LDLRAD4: variants seen among roughly 807,000 people sequenced by gnomAD.
The protein encoded by LDLRAD4 is low density lipoprotein receptor class A domain containing 4.
In LDLRAD4, 5 loss-of-function variants were observed where a neutral mutation model predicts 17.0. The observed-to-expected ratio is 0.29, with a 90% CI of 0.15 to 0.62. The LOEUF is 0.62. Ranked by LOEUF, LDLRAD4 falls within the 20% of genes least tolerant of loss-of-function variation. The pLI, the probability that LDLRAD4 is intolerant of heterozygous loss-of-function variation, is 0.84. For missense variants in LDLRAD4, 340 were observed against 424.7 expected (o/e 0.80, Z 1.75); for synonymous variants, 168 against 171.8 (o/e 0.98, Z 0.17).
At position 13,233,770 on chromosome 18, in the gene LDLRAD4, C is replaced by T. The variant is rs8092714; in HGVS notation, c.-467+14782C>T. Among the ~76,000 whole-genome samples the T allele has an allele frequency of 3.2e-3, 492 of 152,136 alleles. 6 individuals are homozygous for T. Among genetic ancestry groups the T allele is most frequent in the African/African-American group, 1.0e-2 (413 of 41,472 alleles). ...GATTATGTATTTCCATAGAGGACCT[C>T]GGCCCAGAACTCCAAACCCTAGGCT... is the stretch of plus-strand genomic sequence containing the variant. On this transcript the variant is annotated intron_variant, in intron 1 of 5. Coordinates refer to the LDLRAD4 transcript ENST00000399848.
intron 1 of LDLRAD4, among the ~76,000 whole-genome samples, chr18:13,357,233 T>G (rs990959669): frequency 6.6e-6 from 1 of 152,152 alleles, no homozygotes; most frequent in African/African-American, 2.4e-5. Flanking sequence ...CTTCCTTATT[T>G]TCCTTGAAGT....
Position 13,621,230 on chromosome 18 carries a change from C to T in LDLRAD4, c.295C>T (p.Arg99Cys), listed in dbSNP as rs375984547. Residue 99 changes from arginine to cysteine, a missense_variant, in exon 4 of 6, where the codon CGC (arginine) becomes TGC (cysteine). Physicochemically the swap from Arg to Cys is radical, Grantham distance 180 (BLOSUM62 -3). Transcript: ENST00000359446. The surrounding 1 kb of genome is among the most constrained non-coding windows in gnomAD (Gnocchi z 5.5). ...AGTCTCCACGCGGTCCTTCATCAACCGCCCGAACCAGAGCCGGAGGCGGGA... is the reference window on the plus strand; with the variant it reads ...AGTCTCCACGCGGTCCTTCATCAACTGCCCGAACCAGAGCCGGAGGCGGGA... 1.7e-5 allele frequency: 27 copies of T among 1,613,774 alleles called. No homozygotes were observed. Among genetic ancestry groups the T allele is most frequent in the South Asian group, 4.4e-5 (4 of 91,092 alleles).
At chr18:13,472,267 G>GTCGAGCTC (rs1480462548) in intron 3 of LDLRAD4, 5 of 152,422 alleles carry the variant, frequency 3.3e-5, no homozygotes, top group African/African-American at 1.2e-4. Flanking sequence ...TCCCAGGGCT[G>GTCGAGCTC]TCGAGCTCAT....
At chr18:13,649,972 C>T (rs981343236) in exon 6 of LDLRAD4, 5 of 397,802 alleles carry the variant, frequency 1.3e-5, no homozygotes, top group African/African-American at 6.2e-5. Flanking sequence ...CTTCTTGGTG[C>T]GAGGAAAGTC....
chr18:13,288,777 G>T (rs12455176), intron 1 of LDLRAD4, among the ~76,000 whole-genome samples: 1 of 39,328 alleles, frequency 2.5e-5, no homozygotes, highest in Non-Finnish European at 1.0e-4. Flanking sequence ...TAGCAGCCCT[G>T]CAGACCGTGG....
chr18:13,362,081 A>T (rs993449549), intron 1 of LDLRAD4: 1 of 152,074 alleles, frequency 6.6e-6, no homozygotes, highest in African/African-American at 2.4e-5. Flanking sequence ...GCAAAGGCAC[A>T]CATTTGGAAG....
chr18:13,450,143 A>G (rs2146356781), intron 3 of LDLRAD4, among the ~76,000 whole-genome samples: 1 of 152,306 alleles, frequency 6.6e-6, no homozygotes. Flanking sequence ...CTGACCTTAA[A>G]AGGCTGGCAG....
chr18:13,473,642 T>TAA (rs2092842054), intron 3 of LDLRAD4, among the ~76,000 whole-genome samples: 1 of 52,328 alleles, frequency 1.9e-5, no homozygotes, highest in Non-Finnish European at 4.1e-5. Context: ...ATCTCATATA[T>TAA]ATATATATAT....
At chr18:13,263,470 C>T (rs2044033563) in intron 1 of LDLRAD4, among the ~76,000 whole-genome samples, 1 of 152,180 alleles carries the variant, frequency 6.6e-6, no homozygotes, top group Admixed American at 6.5e-5. Flanking sequence ...GGGATTGCAG[C>T]TAACACACAG....
At chr18:13,472,451 A>C (rs962989730) in intron 3 of LDLRAD4, 1 of 152,238 alleles carries the variant, frequency 6.6e-6, no homozygotes, top group African/African-American at 2.4e-5. Flanking sequence ...CTGTGCTGCA[A>C]AACACATTAG....
At chr18:13,437,287 G>A (rs2146144153) in intron 2 of LDLRAD4, among the ~76,000 whole-genome samples, 1 of 152,368 alleles carries the variant, frequency 6.6e-6, no homozygotes, top group East Asian at 1.9e-4. Flanking sequence ...TTCCCGCTGT[G>A]TACTGAGTGG....
exon 6 of LDLRAD4, chr18:13,652,308 A>G (rs1181850317): frequency 6.6e-6 from 1 of 152,224 alleles, no homozygotes; most frequent in Non-Finnish European, 1.5e-5. Flanking sequence ...TTCATTTCAT[A>G]GCTTTCAAAA....
chr18:13,517,371 C>T (rs74682571), intron 3 of LDLRAD4, among the ~76,000 whole-genome samples: 13 of 152,354 alleles, frequency 8.5e-5, no homozygotes, highest in African/African-American at 2.4e-5. Flanking sequence ...ACTGCCTGCA[C>T]GATACACATG....
intron 3 of LDLRAD4, among the ~76,000 whole-genome samples, chr18:13,558,513 A>G (rs957443923): frequency 6.6e-6 from 1 of 152,250 alleles, no homozygotes; most frequent in Non-Finnish European, 1.5e-5. Flanking sequence ...AGGAAGAGCT[A>G]TATCTATGTA....
At chr18:13,579,943 C>T (rs1411445661) in intron 3 of LDLRAD4, among the ~76,000 whole-genome samples, 2 of 152,186 alleles carry the variant, frequency 1.3e-5, no homozygotes, top group African/African-American at 4.8e-5. Context: ...CTGTGAGAGC[C>T]AGGGCCCCTG....
chr18:13,545,368 C>T (rs1245865063), intron 3 of LDLRAD4, among the ~76,000 whole-genome samples: 1 of 152,174 alleles, frequency 6.6e-6, no homozygotes, highest in East Asian at 1.9e-4. Flanking sequence ...TATATATCAA[C>T]GAATCCTTTT....
chr18:13,545,126 TC>T (rs990697605), intron 3 of LDLRAD4, among the ~76,000 whole-genome samples: 1 of 152,102 alleles, frequency 6.6e-6, no homozygotes, highest in African/African-American at 2.4e-5. Flanking sequence ...GTTAGTGGCC[TC>T]CTCTTGATGG....
chr18:13,579,372 A>G (rs2094824329), intron 3 of LDLRAD4, among the ~76,000 whole-genome samples: 1 of 152,194 alleles, frequency 6.6e-6, no homozygotes, highest in African/African-American at 2.4e-5. Context: ...ATATGTAGTC[A>G]TCTGTGACAC....
At chr18:13,466,891 C>T (rs1465359191) in intron 3 of LDLRAD4, among the ~76,000 whole-genome samples, 1 of 152,172 alleles carries the variant, frequency 6.6e-6, no homozygotes, top group East Asian at 1.9e-4. Context: ...GGACACTAAT[C>T]CCATTTATGA....
Sources: gnomAD v4.1 joint callset for allele counts (sites outside exome capture counted in the v4.1 genomes callset) on GRCh38, gnomAD v4.1.1 for gene constraint, Gnocchi (gnomAD v3.1) non-coding constraint, MANE v1.5 for transcripts, NCBI Gene and HGNC (gene_info 2026-07-23, HGNC 2026-07-21) for gene names.